The following CADPS2 variants were observed in gnomAD, a reference collection of about 807,000 sequenced individuals.
CADPS2 encodes the protein calcium-dependent secretion activator 2.
In CADPS2, 93 loss-of-function variants were observed where a neutral mutation model predicts 172.5. The observed-to-expected ratio is 0.54, with a 90% CI of 0.46 to 0.64. The LOEUF is 0.64. CADPS2 is among the 30% of genes least tolerant of loss of function. The pLI is 0.00. For synonymous variants in CADPS2, 546 were observed against 555.2 expected (o/e 0.98, Z 0.23); for missense variants, 1,420 against 1,565.9 (o/e 0.91, Z 1.57).
rs114833231 is a variant in CADPS2 at position 122,860,218 on chromosome 7, A to C, written c.339+25781T>G. Among the ~76,000 whole-genome samples the C allele has an allele frequency of 2.1e-3, 314 of 152,234 alleles. 1 individual carries two copies. The highest frequency in any genetic ancestry group is 7.2e-3 in the African/African-American group (298 of 41,550). On this transcript the variant is annotated intron_variant, in intron 1 of 29. Coordinates refer to ENST00000449022, the MANE Select transcript of CADPS2 (RefSeq NM_017954.11). ...TGCTCCTATCTCTAGATTGTAACCA[A>C]CAAGTACCTGACACAACATTTTTTT...
At chr7:122,607,510 G>A (rs2073737680) in intron 6 of CADPS2, among the ~76,000 whole-genome samples, 1 of 152,270 alleles carries the variant, frequency 6.6e-6, no homozygotes, top group African/African-American at 2.4e-5. Context: ...ATAAGGGGAC[G>A]TGATTTCAAG....
chr7:122,466,652 A>G (rs1178166369), intron 14 of CADPS2, among the ~76,000 whole-genome samples: 1 of 152,212 alleles, frequency 6.6e-6, no homozygotes, highest in Non-Finnish European at 1.5e-5. Context: ...CACTGCATAA[A>G]AAAATTACTA....
At chr7:122,880,976 C>T (rs1173478549) in intron 1 of CADPS2, among the ~76,000 whole-genome samples, 1 of 152,180 alleles carries the variant, frequency 6.6e-6, no homozygotes, top group East Asian at 1.9e-4. Flanking sequence ...TCCACCTCTT[C>T]CTTCACAAAG....
intron 2 of CADPS2, among the ~76,000 whole-genome samples, chr7:122,680,328 T>C (rs781338548): frequency 7.1e-4 from 108 of 152,244 alleles, no homozygotes; most frequent in Non-Finnish European, 1.5e-3. Context: ...TAGACCCTTA[T>C]CTATAAACTA....
intron 19 of CADPS2, among the ~76,000 whole-genome samples, chr7:122,408,925 G>C (rs1204781791): frequency 1.3e-5 from 2 of 152,194 alleles, no homozygotes; most frequent in African/African-American, 2.4e-5. Flanking sequence ...TTAATTAGCA[G>C]ATGGTAAAGG....
At chr7:122,349,687 A>G (rs934636907) in intron 27 of CADPS2, among the ~76,000 whole-genome samples, 1 of 152,210 alleles carries the variant, frequency 6.6e-6, no homozygotes, top group African/African-American at 2.4e-5. Flanking sequence ...GAAAGGGTGC[A>G]GACTCCAGCA....
At position 122,407,528 on chromosome 7, in the gene CADPS2, G is replaced by T; in HGVS notation, c.2746+12C>A. ...CCCCATTTCACATATGAAAGAAAACGCAAATGCTCACTGTCATTTCGGAGG... is the reference window on the plus strand; with the variant it reads ...CCCCATTTCACATATGAAAGAAAACTCAAATGCTCACTGTCATTTCGGAGG... On this transcript the variant is annotated intron_variant, in intron 20 of 29. Transcript: ENST00000449022. 1.2e-6 allele frequency: 2 copies of T among 1,605,282 alleles called. No homozygotes were observed. Among genetic ancestry groups the T allele is most frequent in the Non-Finnish European group, 8.5e-7 (1 of 1,176,212 alleles).
chr7:122,681,271 A>T, intron 2 of CADPS2: 1 of 825,290 alleles, frequency 1.2e-6, no homozygotes, highest in Non-Finnish European at 2.1e-6. Context: ...TAAAACTTAA[A>T]GTATAATAAT....
intron 3 of CADPS2, among the ~76,000 whole-genome samples, chr7:122,645,096 G>A (rs745751404): frequency 6.6e-6 from 1 of 151,332 alleles, no homozygotes; most frequent in Non-Finnish European, 1.5e-5. Flanking sequence ...GGATCAAAAT[G>A]TTCAAAGGCA....
intron 2 of CADPS2, chr7:122,698,801 C>T (rs775016583): frequency 6.2e-7 from 1 of 1,613,898 alleles, no homozygotes; most frequent in South Asian, 1.1e-5. Flanking sequence ...TTCATATAAG[C>T]CATCCAAACA....
intron 2 of CADPS2, among the ~76,000 whole-genome samples, chr7:122,728,992 T>A (rs1169297884): frequency 2.6e-5 from 4 of 151,790 alleles, no homozygotes; most frequent in Non-Finnish European, 1.5e-5. Flanking sequence ...TTTGTATCCA[T>A]TACCCAACCT....
intron 12 of CADPS2, 33 bp downstream of exon 12, chr7:122,480,819 A>G (rs1563461111): frequency 1.4e-6 from 2 of 1,458,060 alleles, no homozygotes; most frequent in Non-Finnish European, 1.8e-6. Context: ...ATTTTTTAAA[A>G]CATCTAATTT....
chr7:122,407,746 A>T, intron 19 of CADPS2, 50 bp from the exon 20 acceptor site: 2 of 1,499,130 alleles, frequency 1.3e-6, no homozygotes, highest in Non-Finnish European at 9.1e-7. Context: ...CTTTTTAGAA[A>T]CATGCACAAG....
intron 17 of CADPS2, chr7:122,427,365 C>T (rs1169169589): frequency 6.6e-6 from 1 of 152,060 alleles, no homozygotes; most frequent in Non-Finnish European, 1.5e-5. Flanking sequence ...TGTTTTAACT[C>T]AGATACTAGA....
chr7:122,701,863 G>T, intron 2 of CADPS2: 1 of 1,606,540 alleles, frequency 6.2e-7, no homozygotes, highest in Non-Finnish European at 8.5e-7. Context: ...ACTTGCACAT[G>T]GGACATGTCC....
chr7:122,525,775 TTATTA>T (rs1173854360), intron 8 of CADPS2, among the ~76,000 whole-genome samples: 5 of 152,262 alleles, frequency 3.3e-5, no homozygotes, highest in Non-Finnish European at 4.4e-5. Flanking sequence ...TATTAACTGG[TTATTA>T]TATTATGGTT....
At chr7:122,637,420 T>C (rs1241070454) in intron 3 of CADPS2, among the ~76,000 whole-genome samples, 2 of 152,134 alleles carry the variant, frequency 1.3e-5, no homozygotes, top group Non-Finnish European at 2.9e-5. Flanking sequence ...TCCTCTTGCC[T>C]TGGCCTCCCA....
intron 13 of CADPS2, among the ~76,000 whole-genome samples, chr7:122,472,847 C>T (rs1016354961): frequency 6.6e-6 from 1 of 152,012 alleles, no homozygotes. Context: ...TTAGTGTCAG[C>T]GTGGCAATAA....
chr7:122,605,653 T>C (rs1380642923), intron 6 of CADPS2, among the ~76,000 whole-genome samples: 3 of 152,162 alleles, frequency 2.0e-5, no homozygotes, highest in African/African-American at 7.2e-5. Context: ...AATCTATATA[T>C]ATTTTTTCTC....
Sources: allele counts gnomAD v4.1 joint callset (sites outside exome capture counted in the v4.1 genomes callset), GRCh38; gene constraint gnomAD v4.1.1; transcripts MANE v1.5; gene names NCBI Gene and HGNC (gene_info 2026-07-23, HGNC 2026-07-21).